Variants in PCDH15 observed in about 807,000 individuals in gnomAD.
The protein encoded by PCDH15 is protocadherin related 15.
Under a neutral mutation model 178.5 loss-of-function variants are expected in PCDH15, and 129 were observed. The observed-to-expected ratio is 0.72, with a 90% CI of 0.63 to 0.84. The LOEUF (loss-of-function observed/expected upper bound fraction) is 0.84. Among genes scored for constraint, PCDH15 ranks in the 40% least tolerant of loss-of-function variants. The pLI, the probability that PCDH15 is intolerant of heterozygous loss-of-function variation, is 0.00. For synonymous variants in PCDH15, 800 were observed against 732.0 expected, an observed-to-expected ratio of 1.09 and a Z score of -1.50; for missense variants, 2,230 against 2,099.9, an observed-to-expected ratio of 1.06 and a Z score of -1.21.
chr10:55,582,628 A>ATATATATATATAT (rs780312007), intron 2 of PCDH15, among the ~76,000 whole-genome samples: 7 of 69,040 alleles, frequency 1.0e-4, no homozygotes, highest in African/African-American at 3.3e-4. Flanking sequence ...ATATATATAT[A>ATATATATATATAT]TTTTTTTTTT....
chr10:55,077,696 T>C (rs1167685531), intron 2 of PCDH15, among the ~76,000 whole-genome samples: 1 of 151,980 alleles, frequency 6.6e-6, no homozygotes, highest in Non-Finnish European at 1.5e-5. Flanking sequence ...ATTAAAGGCA[T>C]GCGCCACACC....
chr10:55,536,991 C>T (rs1446139733), intron 2 of PCDH15, among the ~76,000 whole-genome samples: 1 of 151,590 alleles, frequency 6.6e-6, no homozygotes, highest in African/African-American at 2.4e-5. Flanking sequence ...GATTTTTTTT[C>T]TGTCCTGTCC....
chr10:54,649,048 G>A (rs2094196901), intron 2 of PCDH15, among the ~76,000 whole-genome samples: 2 of 152,294 alleles, frequency 1.3e-5, no homozygotes, highest in Admixed American at 6.5e-5. Flanking sequence ...TAGCGGGGCA[G>A]CCCTTAGGGG....
intron 3 of PCDH15, among the ~76,000 whole-genome samples, chr10:54,429,425 C>T (rs921634246): frequency 6.6e-5 from 10 of 152,054 alleles, no homozygotes; most frequent in African/African-American, 2.4e-4. Context: ...GAAGTGAAGA[C>T]CACAAAATCA....
Position 55,261,853 on chromosome 10 carries a change from T to G in PCDH15, c.-156+57746A>C, listed in dbSNP as rs899545629. On this transcript the variant is annotated intron_variant, in intron 1 of 5. Transcript: ENST00000458638. ...ACTATTAGATTGTCTGTTATTCCCTTGGAGTCAATGATTAAAAGCCAATTG... is the reference window on the plus strand; with the variant it reads ...ACTATTAGATTGTCTGTTATTCCCTGGGAGTCAATGATTAAAAGCCAATTG... 2.0e-5 allele frequency among the ~76,000 whole-genome samples: 3 copies of G among 152,144 alleles called. No individual in the cohort carries two copies. The South Asian group carries it at 6.2e-4, about 32-fold the overall frequency.
In PCDH15 at chr10:54,038,521, GT is replaced by G. The variant is rs1391626436; in HGVS notation, c.2221-15325del. Among the ~76,000 whole-genome samples the G allele has an allele frequency of 2.0e-5, 3 of 151,934 alleles. No individual in the cohort carries two copies. In the East Asian group the frequency reaches 5.8e-4, roughly 30 times the overall value. On this transcript the variant is annotated intron_variant, in intron 18 of 37. Transcript: ENST00000644397. The stretch of plus-strand genomic sequence containing the variant: ...AGGAGCTGCAGAATTGCAATTGCAT[GT>G]CACAGTTTTTCTGAGCTGGGGTAAA...
chr10:54,330,764 T>A (rs930396644), intron 6 of PCDH15, among the ~76,000 whole-genome samples: 2 of 152,024 alleles, frequency 1.3e-5, no homozygotes, highest in East Asian at 3.9e-4. Context: ...GATAAATCTC[T>A]TATTCTTAAG....
intron 2 of PCDH15, among the ~76,000 whole-genome samples, chr10:54,544,275 A>G (rs895280325): frequency 3.3e-5 from 5 of 152,178 alleles, no homozygotes; most frequent in African/African-American, 9.7e-5. Flanking sequence ...TATATTGGCC[A>G]TAAGGATAAA....
chr10:55,266,560 C>T (rs942185683), intron 1 of PCDH15, among the ~76,000 whole-genome samples: 8 of 152,142 alleles, frequency 5.3e-5, no homozygotes, highest in Non-Finnish European at 8.8e-5. Context: ...CTAAGACCAA[C>T]CTGGCTTGCC....
intron 8 of PCDH15, among the ~76,000 whole-genome samples, chr10:54,250,659 TAGAC>T (rs908012636): frequency 6.6e-6 from 1 of 152,308 alleles, no homozygotes. Context: ...GTGTGAAAGC[TAGAC>T]ATTTAAAAAG....
At chr10:55,439,380 T>C (rs1839125049) in intron 2 of PCDH15, among the ~76,000 whole-genome samples, 1 of 151,856 alleles carries the variant, frequency 6.6e-6, no homozygotes, top group Non-Finnish European at 1.5e-5. Context: ...GAAATAAAGT[T>C]CCAAATATGC....
At chr10:54,516,989 A>C (rs1013074563) in intron 3 of PCDH15, among the ~76,000 whole-genome samples, 15 of 151,932 alleles carry the variant, frequency 9.9e-5, no homozygotes, top group Admixed American at 1.3e-4. Flanking sequence ...GAAATAAAAT[A>C]CTTTACAGAC....
At chr10:54,291,465 G>C (rs560865961) in intron 8 of PCDH15, among the ~76,000 whole-genome samples, 84 of 152,136 alleles carry the variant, frequency 5.5e-4, no homozygotes, top group African/African-American at 1.9e-3. Context: ...CAAGAAATAA[G>C]TAATATCAGA....
intron 2 of PCDH15, among the ~76,000 whole-genome samples, chr10:54,569,540 G>A (rs2133535935): frequency 6.6e-6 from 1 of 152,210 alleles, no homozygotes; most frequent in Non-Finnish European, 1.5e-5. Flanking sequence ...CAGTAAGCAG[G>A]TATTAAGGAA....
intron 1 of PCDH15, among the ~76,000 whole-genome samples, chr10:55,189,917 G>T (rs1839898815): frequency 6.6e-6 from 1 of 151,778 alleles, no homozygotes; most frequent in Non-Finnish European, 1.5e-5. Flanking sequence ...AATACAATAT[G>T]CATGATACGG....
chr10:54,026,049 A>C (rs983568876), intron 18 of PCDH15, among the ~76,000 whole-genome samples: 2 of 151,792 alleles, frequency 1.3e-5, no homozygotes, highest in African/African-American at 4.8e-5. Flanking sequence ...ATAAATATAT[A>C]GCAATCTATA....
At chr10:54,802,823 T>C (rs1420167098), upstream of PCDH15, among the ~76,000 whole-genome samples, 1 of 152,174 alleles carries the variant, frequency 6.6e-6, no homozygotes, top group Non-Finnish European at 1.5e-5. Context: ...CGTGGTAATG[T>C]TCAATGATAA....
In PCDH15 at chr10:54,768,410, T is replaced by C. The variant is rs72637043; in HGVS notation, c.-29+32515A>G. On this transcript the variant is annotated intron_variant, in intron 1 of 37. Coordinates refer to ENST00000644397, the MANE Select transcript of PCDH15 (RefSeq NM_001384140.1). ...AAAATGATGTCACCCTCAGAGAGAT[T>C]ACAATCTACTTGAGAAAGTAAACTT... Among the ~76,000 whole-genome samples the C allele has an allele frequency of 2.2e-3, 332 of 152,274 alleles. 11 individuals are homozygous for C. In the East Asian group the frequency reaches 0.062, roughly 28 times the overall value.
chr10:55,144,576 G>T (rs1382429578), intron 2 of PCDH15, among the ~76,000 whole-genome samples: 1 of 152,050 alleles, frequency 6.6e-6, no homozygotes, highest in African/African-American at 2.4e-5. Context: ...CAGTCCACTT[G>T]TAAAAATAAG....
Sources: gnomAD v4.1 joint callset for allele counts (sites outside exome capture counted in the v4.1 genomes callset) on GRCh38, gnomAD v4.1.1 for gene constraint, MANE v1.5 for transcripts, NCBI Gene and HGNC (gene_info 2026-07-23, HGNC 2026-07-21) for gene names.